BCHE: variants seen among roughly 807,000 people sequenced by gnomAD.
BCHE encodes the protein butyrylcholinesterase.
Under a neutral mutation model 51.3 loss-of-function variants are expected in BCHE, and 48 were observed. That is an observed-to-expected ratio of 0.94 (90% CI 0.74 to 1.19). The LOEUF (loss-of-function observed/expected upper bound fraction) is 1.19. Ranked by LOEUF, BCHE falls within the 50% of genes most tolerant of loss-of-function variation. BCHE has a pLI of 0.00. For synonymous variants in BCHE, 251 were observed against 238.0 expected, an observed-to-expected ratio of 1.05 and a Z score of -0.50; for missense variants, 847 against 708.2, an observed-to-expected ratio of 1.20 and a Z score of -2.23.
At chr3:165,780,158 G>T (rs1712635950) in intron 3 of BCHE, among the ~76,000 whole-genome samples, 1 of 152,154 alleles carries the variant, frequency 6.6e-6, no homozygotes, top group Non-Finnish European at 1.5e-5. Flanking sequence ...CAAGAATGGG[G>T]AAAAGATTCC....
chr3:165,806,749 G>A (rs754799055), intron 2 of BCHE, among the ~76,000 whole-genome samples: 1 of 152,030 alleles, frequency 6.6e-6, no homozygotes, highest in Non-Finnish European at 1.5e-5. Flanking sequence ...TAATTATATA[G>A]TTTTTTAAAT....
At position 165,829,978 on chromosome 3, in the gene BCHE, A is replaced by G; in HGVS notation, c.1056T>C (p.Asp352=). The G allele has an allele frequency of 6.2e-7, 1 of 1,613,802 alleles. No individual in the cohort carries two copies. The highest frequency in any genetic ancestry group is 8.5e-7 in the Non-Finnish European group (1 of 1,179,890). ...KTQILVGVNK[D]EGTAFLVYGA... ...CATAGACTAAAAAAGCTGTCCCTTC[A>G]TCTTTATTAACACCCACCAAAATCT... Residue 352 remains aspartate (D), a synonymous_variant, in exon 2 of 4, where the codon GAT becomes GAC. Transcript: ENST00000264381.
chr3:165,798,630 T>G (rs755180786), intron 2 of BCHE, among the ~76,000 whole-genome samples: 1 of 152,174 alleles, frequency 6.6e-6, no homozygotes, highest in Non-Finnish European at 1.5e-5. Flanking sequence ...GGTGTTTTAA[T>G]GATTTCAACT....
At position 165,830,308 on chromosome 3, in the gene BCHE, A is replaced by G. The variant is rs1199541445; in HGVS notation, c.726T>C (p.His242=). The change falls in exon 2 of 4, where the codon CAT becomes CAC. Residue 242 remains histidine, a synonymous_variant. Transcript: ENST00000264381. Reference sequence around the variant, plus strand: ...GCAGAATGGCTCTGGTGAACAATGAATGGCTTCCAGGAGAAAGCAAATGCA... The same window carrying G: ...GCAGAATGGCTCTGGTGAACAATGAGTGGCTTCCAGGAGAAAGCAAATGCA... The part of the protein sequence containing the change: ...VSLHLLSPGS[H]SLFTRAILQS... The G allele has an allele frequency of 1.2e-6, 2 of 1,614,038 alleles. No individual in the cohort carries two copies. The highest frequency in any genetic ancestry group is 1.1e-5 in the South Asian group (1 of 91,082).
At chr3:165,817,733 A>T (rs1344633872) in intron 2 of BCHE, among the ~76,000 whole-genome samples, 3 of 152,044 alleles carry the variant, frequency 2.0e-5, no homozygotes, top group Admixed American at 1.3e-4. Flanking sequence ...TGTGTTTTAT[A>T]GTTTTTCCAG....
intron 1 of BCHE, among the ~76,000 whole-genome samples, chr3:165,832,503 G>A (rs1715028242): frequency 6.6e-6 from 1 of 152,016 alleles, no homozygotes; most frequent in South Asian, 2.1e-4. Flanking sequence ...TGTTGGCCAG[G>A]CTGGTCTCGA....
At chr3:165,773,911 A>T (rs1336082384) in intron 3 of BCHE, among the ~76,000 whole-genome samples, 1 of 152,080 alleles carries the variant, frequency 6.6e-6, no homozygotes, top group Non-Finnish European at 1.5e-5. Context: ...TATAACAGAT[A>T]ATTATTTCTG....
chr3:165,834,369 A>G (rs1369317956), intron 1 of BCHE, among the ~76,000 whole-genome samples: 2 of 152,036 alleles, frequency 1.3e-5, no homozygotes, highest in African/African-American at 4.8e-5. Context: ...AATTGGTAAC[A>G]ATCAAAGCAA....
At chr3:165,794,366 C>A (rs1713288463) in intron 2 of BCHE, among the ~76,000 whole-genome samples, 1 of 152,076 alleles carries the variant, frequency 6.6e-6, no homozygotes, top group South Asian at 2.1e-4. Context: ...TATACACAAG[C>A]TGTCATAGTC....
chr3:165,820,001 T>C (rs1372438104), intron 2 of BCHE, among the ~76,000 whole-genome samples: 1 of 152,058 alleles, frequency 6.6e-6, no homozygotes, highest in Non-Finnish European at 1.5e-5. Flanking sequence ...TTTTTCCAAC[T>C]AAAAAACATG....
chr3:165,828,573 AGT>A (rs765478225), intron 2 of BCHE, among the ~76,000 whole-genome samples: 105 of 152,162 alleles, frequency 6.9e-4, no homozygotes, highest in Non-Finnish European at 1.2e-3. Context: ...TATAAAAGAT[AGT>A]GTGATAGACT....
chr3:165,810,273 A>C (rs1220962495), intron 2 of BCHE, among the ~76,000 whole-genome samples: 2 of 152,176 alleles, frequency 1.3e-5, no homozygotes, highest in Admixed American at 1.3e-4. Context: ...ATATTCTAGC[A>C]GCAGATTCTA....
chr3:165,836,455 CATAAA>C (rs1715192444), intron 1 of BCHE, among the ~76,000 whole-genome samples: 1 of 151,680 alleles, frequency 6.6e-6, no homozygotes, highest in Non-Finnish European at 1.5e-5. Flanking sequence ...AAGACATACT[CATAAA>C]ATAAAAATAT....
chr3:165,792,093 C>A (rs941928684), intron 2 of BCHE, among the ~76,000 whole-genome samples: 11 of 152,212 alleles, frequency 7.2e-5, no homozygotes, highest in African/African-American at 2.6e-4. Context: ...CTGATAGAAT[C>A]TCTGCGTTTC....
rs1490044909 is a variant in BCHE, at chr3:165,830,973, T to C, written c.61A>G (p.Met21Val). ...RFLFWFLLLC[M>V]LIGKSHTEDD... is the part of the protein sequence containing the mutation. The stretch of plus-strand genomic sequence containing the variant: ...TCAGTATGTGACTTCCCAATAAGCA[T>C]GCAGAGCAAAAGAAACCAAAAGAGA... Residue 21 changes from methionine to valine, a missense_variant, in exon 2 of 4, where the codon ATG (methionine) becomes GTG (valine). By Grantham distance (21) the Met-to-Val change is conservative. Transcript: ENST00000264381. The C allele has an allele frequency of 1.9e-6, 3 of 1,613,846 alleles. No homozygotes were observed. The highest frequency in any genetic ancestry group is 4.5e-5 in the East Asian group (2 of 44,858).
chr3:165,813,104 T>C (rs1202000851), intron 2 of BCHE, among the ~76,000 whole-genome samples: 1 of 151,870 alleles, frequency 6.6e-6, no homozygotes, highest in African/African-American at 2.4e-5. Flanking sequence ...AGAAAAAATA[T>C]CATAAAATTA....
chr3:165,795,523 A>C (rs1456615293), intron 2 of BCHE, among the ~76,000 whole-genome samples: 1 of 152,184 alleles, frequency 6.6e-6, no homozygotes. Context: ...GATTATATTT[A>C]ATGCAAATAT....
intron 1 of BCHE, among the ~76,000 whole-genome samples, chr3:165,833,453 T>C (rs73028248): frequency 0.099 from 15,106 of 152,114 alleles, 814 homozygotes; most frequent in Admixed American, 0.14. Context: ...CTGAATACTG[T>C]AGGCAATTGT....
chr3:165,796,510 A>T (rs946398065), intron 2 of BCHE, among the ~76,000 whole-genome samples: 1 of 152,206 alleles, frequency 6.6e-6, no homozygotes, highest in Non-Finnish European at 1.5e-5. Flanking sequence ...CTGTTCAAGA[A>T]ATAAAATGGA....
Sources: allele counts gnomAD v4.1 joint callset (sites outside exome capture counted in the v4.1 genomes callset), GRCh38; gene constraint gnomAD v4.1.1; transcripts MANE v1.5; gene names NCBI Gene and HGNC (gene_info 2026-07-23, HGNC 2026-07-21).